Variants in FIG4 observed in about 807,000 individuals in gnomAD.
FIG4 encodes the protein polyphosphoinositide phosphatase.
In FIG4, 112 loss-of-function variants were observed where a neutral mutation model predicts 118.6. The observed-to-expected ratio is 0.94, with a 90% confidence interval of 0.81 to 1.11. The LOEUF is 1.11. Ranked by LOEUF, FIG4 falls within the 50% of genes least tolerant of loss-of-function variation. The pLI, the probability that FIG4 is intolerant of heterozygous loss-of-function variation, is 0.00. For missense variants in FIG4, 969 were observed against 1,111.7 expected (o/e 0.87, Z 1.83); for synonymous variants, 369 against 381.2 (o/e 0.97, Z 0.37).
intron 22 of FIG4, among the ~76,000 whole-genome samples, chr6:109,806,954 A>G (rs190489462): frequency 1.3e-5 from 2 of 152,286 alleles, no homozygotes; most frequent in Admixed American, 6.5e-5. Flanking sequence ...TTATGGCTGC[A>G]TAGTATTCCA....
At chr6:109,725,074 T>A (rs990454629) in intron 3 of FIG4, among the ~76,000 whole-genome samples, 1 of 147,978 alleles carries the variant, frequency 6.8e-6, no homozygotes, top group Non-Finnish European at 1.5e-5. Flanking sequence ...AATGAATGAA[T>A]TAAATTGTTT....
intron 4 of FIG4, among the ~76,000 whole-genome samples, chr6:109,728,339 A>G (rs1226368111): frequency 6.6e-6 from 1 of 152,146 alleles, no homozygotes; most frequent in South Asian, 2.1e-4. Context: ...TTTCCTGTAT[A>G]TCTGAAATGT....
At chr6:109,736,310 C>A (rs1004887871) in intron 6 of FIG4, among the ~76,000 whole-genome samples, 4 of 152,134 alleles carry the variant, frequency 2.6e-5, no homozygotes, top group African/African-American at 9.7e-5. Context: ...GTGATCAACT[C>A]TAAAAAGGTT....
At chr6:109,785,151 G>C (rs1777916364) in intron 17 of FIG4, 123 bp downstream of exon 17, 3 of 711,510 alleles carry the variant, frequency 4.2e-6, no homozygotes, top group Admixed American at 1.9e-5. Context: ...TGGCTGTTCA[G>C]TATTATGTTG....
chr6:109,691,515 C>T lies in FIG4; in HGVS notation c.66+14C>T, dbSNP rs1319217856. On this transcript the variant is annotated intron_variant, in intron 1 of 22. Transcript: ENST00000230124. The stretch of plus-strand genomic sequence containing the variant: ...GAGACTAGAGCTGTGAGTACCCCCT[C>T]GCGGCGGGGCGCAGGCGGGAGGATG... 6.4e-7 allele frequency: 1 copy of T among 1,563,220 alleles called. No homozygotes were observed. Among genetic ancestry groups the T allele is most frequent in the Non-Finnish European group, 8.7e-7 (1 of 1,152,868 alleles).
At chr6:109,769,435 G>C (rs760678148) in intron 15 of FIG4, among the ~76,000 whole-genome samples, 1 of 152,032 alleles carries the variant, frequency 6.6e-6, no homozygotes, top group Non-Finnish European at 1.5e-5. Context: ...GCTAAAACAG[G>C]CTTCTTTATT....
At chr6:109,771,348 T>A (rs1261385753) in intron 15 of FIG4, among the ~76,000 whole-genome samples, 1 of 152,154 alleles carries the variant, frequency 6.6e-6, no homozygotes, top group Non-Finnish European at 1.5e-5. Context: ...CCAAAATGAC[T>A]ATTTCATAAC....
At chr6:109,790,973 G>A (rs73762800) in intron 19 of FIG4, among the ~76,000 whole-genome samples, 5,939 of 152,192 alleles carry the variant, frequency 0.039, 398 homozygotes, top group African/African-American at 0.13. Flanking sequence ...ATATACATAG[G>A]TTTGGCTACC....
At chr6:109,819,560 C>G (rs1778949414) in intron 22 of FIG4, among the ~76,000 whole-genome samples, 1 of 152,130 alleles carries the variant, frequency 6.6e-6, no homozygotes, top group Non-Finnish European at 1.5e-5. Context: ...CCTCCGCCTC[C>G]CAGGTTCACA....
chr6:109,714,059 C>T (rs1296291179), intron 1 of FIG4, among the ~76,000 whole-genome samples: 2 of 152,200 alleles, frequency 1.3e-5, no homozygotes, highest in African/African-American at 4.8e-5. Context: ...CGCTCCCATA[C>T]CAAACCCTCT....
chr6:109,743,085 T>A, intron 8 of FIG4, 25 bp from the exon 9 acceptor site: 1 of 1,596,322 alleles, frequency 6.3e-7, no homozygotes, highest in Middle Eastern at 1.7e-4. Flanking sequence ...ACATAAAATA[T>A]TTTTCAATGC....
intron 1 of FIG4, chr6:109,701,866 A>G (rs1774919798): frequency 2.4e-6 from 1 of 420,984 alleles, no homozygotes; most frequent in Non-Finnish European, 4.9e-6. Flanking sequence ...GATTATATTA[A>G]TAACTGGTTT....
chr6:109,736,860 G>T lies in FIG4; in HGVS notation c.647-1465G>T, dbSNP rs117606188. On this transcript the variant is annotated intron_variant, in intron 6 of 22. Coordinates refer to ENST00000230124, the MANE Select transcript of FIG4 (RefSeq NM_014845.6). ...CAGCAGGATTGCATTCCTTTCCAGAGGCTCCAGGGGAGAATCAGTTTTCTT... is the reference window on the plus strand; with the variant it reads ...CAGCAGGATTGCATTCCTTTCCAGATGCTCCAGGGGAGAATCAGTTTTCTT... 4.5e-4 allele frequency among the ~76,000 whole-genome samples: 69 copies of T among 152,222 alleles called. No individual in the cohort carries two copies. The East Asian group carries it at 6.6e-3, about 15-fold the overall frequency.
chr6:109,732,760 A>G (rs1776046251), intron 5 of FIG4, 73 bp downstream of exon 5: 1 of 884,208 alleles, frequency 1.1e-6, no homozygotes, highest in Non-Finnish European at 1.9e-6. Context: ...GTAAAAGCAG[A>G]ATGAGAACAT....
intron 11 of FIG4, among the ~76,000 whole-genome samples, chr6:109,761,602 G>A (rs1777108659): frequency 6.6e-6 from 1 of 152,132 alleles, no homozygotes; most frequent in Admixed American, 6.5e-5. Context: ...GGCCAGTCTG[G>A]TCTCGAACTC....
chr6:109,770,707 G>C (rs1333976117), intron 15 of FIG4, among the ~76,000 whole-genome samples: 1 of 151,990 alleles, frequency 6.6e-6, no homozygotes, highest in African/African-American at 2.4e-5. Flanking sequence ...GGAAGGAGGT[G>C]CCACACACTT....
intron 16 of FIG4, among the ~76,000 whole-genome samples, chr6:109,781,517 C>T (rs1396465851): frequency 6.6e-6 from 1 of 151,940 alleles, no homozygotes; most frequent in Non-Finnish European, 1.5e-5. Flanking sequence ...CCACTGGGAC[C>T]ATCACTCCCC....
intron 3 of FIG4, among the ~76,000 whole-genome samples, chr6:109,724,374 G>T (rs145169083): frequency 1.6e-4 from 25 of 152,136 alleles, no homozygotes; most frequent in African/African-American, 6.0e-4. Context: ...TTAGACCTCC[G>T]TTCAGCTGTG....
At chr6:109,771,911 C>T (rs1562675022) in intron 15 of FIG4, among the ~76,000 whole-genome samples, 2 of 152,100 alleles carry the variant, frequency 1.3e-5, no homozygotes. Flanking sequence ...AAAAGCATAC[C>T]TTAGCATTTT....
Sources: gnomAD v4.1 joint callset for allele counts (sites outside exome capture counted in the v4.1 genomes callset) on GRCh38, gnomAD v4.1.1 for gene constraint, MANE v1.5 for transcripts, NCBI Gene and HGNC (gene_info 2026-07-23, HGNC 2026-07-21) for gene names.